MAPT: variants seen among roughly 807,000 people sequenced by gnomAD.
MAPT encodes microtubule associated protein tau.
In MAPT, 34 loss-of-function variants were observed where a neutral mutation model predicts 67.9. The observed-to-expected ratio is 0.50, with a 90% CI of 0.38 to 0.67. MAPT has a LOEUF of 0.67. MAPT is among the 30% of genes least tolerant of loss of function. The pLI, the probability that MAPT is intolerant of heterozygous loss-of-function variation, is 0.00. For missense variants in MAPT, 881 were observed against 1,115.2 expected, an observed-to-expected ratio of 0.79 and a Z score of 2.99; for synonymous variants, 456 against 464.5, an observed-to-expected ratio of 0.98 and a Z score of 0.23.
intron 2 of MAPT, among the ~76,000 whole-genome samples, chr17:45,966,736 T>A (rs2071124801): frequency 6.6e-6 from 1 of 152,228 alleles, no homozygotes; most frequent in African/African-American, 2.4e-5. Context: ...CTAAAACTAT[T>A]CAAAGCTTTC....
intron 1 of MAPT, among the ~76,000 whole-genome samples, chr17:45,919,239 T>G (rs192979447): frequency 2.1e-3 from 314 of 152,236 alleles, no homozygotes; most frequent in Non-Finnish European, 3.0e-3. Context: ...CCTCGGCCTC[T>G]CCTGCCTCCA....
chr17:45,908,410 G>C (rs1345928476), intron 1 of MAPT: 1 of 152,232 alleles, frequency 6.6e-6, no homozygotes, highest in Non-Finnish European at 1.5e-5. Flanking sequence ...AATTAAAAGT[G>C]GGGCGGTTTC....
chr17:46,007,928 C>T (rs2075560455), intron 9 of MAPT, among the ~76,000 whole-genome samples: 1 of 152,008 alleles, frequency 6.6e-6, no homozygotes, highest in African/African-American at 2.4e-5. Flanking sequence ...TGCATCAAAT[C>T]CAGCTCCTGC....
chr17:46,020,392 G>A (rs556489083), intron 12 of MAPT, among the ~76,000 whole-genome samples: 44 of 152,318 alleles, frequency 2.9e-4, no homozygotes, highest in Non-Finnish European at 4.7e-4. Flanking sequence ...CTGCAGAAGC[G>A]CAGCCAAGCA....
chr17:45,966,662 A>C (rs1322916737), intron 2 of MAPT, among the ~76,000 whole-genome samples: 15 of 152,240 alleles, frequency 9.9e-5, no homozygotes, highest in Non-Finnish European at 1.9e-4. Flanking sequence ...AGAAAACTAA[A>C]TTTAATGTGT....
intron 12 of MAPT, among the ~76,000 whole-genome samples, chr17:46,022,216 G>A (rs1226583980): frequency 6.6e-6 from 1 of 152,004 alleles, no homozygotes; most frequent in Non-Finnish European, 1.5e-5. Context: ...TTAGCTGGGT[G>A]TGGTGGCACA....
At chr17:45,923,548 T>C (rs17649866) in intron 1 of MAPT, among the ~76,000 whole-genome samples, 21,842 of 152,274 alleles carry the variant, frequency 0.14, 2,144 homozygotes, top group Middle Eastern at 0.22. Context: ...GATAATCAGA[T>C]TCTTTCACGT....
intron 1 of MAPT, among the ~76,000 whole-genome samples, chr17:45,934,430 G>A (rs141027617): frequency 6.6e-6 from 1 of 152,292 alleles, no homozygotes; most frequent in East Asian, 1.9e-4. Context: ...ACGCATGTGT[G>A]TATTTTTTTT....
At chr17:45,974,652 TC>T (rs898336377) in intron 3 of MAPT, 3 of 604,136 alleles carry the variant, frequency 5.0e-6, no homozygotes, top group Non-Finnish European at 8.8e-6. Context: ...CTCAGTTACC[TC>T]CCTGGCTGCC....
At chr17:45,901,260 G>A (rs901485378) in intron 1 of MAPT, among the ~76,000 whole-genome samples, 4 of 152,176 alleles carry the variant, frequency 2.6e-5, no homozygotes, top group South Asian at 2.1e-4. Context: ...AGCCCAAACT[G>A]ACCTGCCTTC....
In MAPT at chr17:45,904,336, TTATA is replaced by T. The variant is rs1423183040; in HGVS notation, c.-18+9658_-18+9661del. ...AAACATATATAATATATATTATATA[TTATA>T]TATATATTATATATATTATATATAT... On this transcript the variant is annotated intron_variant, in intron 1 of 12. Transcript: ENST00000262410. 3.6e-5 allele frequency among the ~76,000 whole-genome samples: 3 copies of T among 82,588 alleles called. 1 individual carries two copies. Among genetic ancestry groups the T allele is most frequent in the African/African-American group, 1.5e-4 (3 of 20,664 alleles). 54.2% of individuals were successfully genotyped at this position (82,588 alleles called of 152,430 possible).
intron 1 of MAPT, among the ~76,000 whole-genome samples, chr17:45,912,626 T>C (rs2064876934): frequency 6.6e-6 from 1 of 152,228 alleles, no homozygotes; most frequent in African/African-American, 2.4e-5. Flanking sequence ...GACTTTGGCC[T>C]TCAGAAGTGT....
At chr17:45,968,096 G>T (rs150100916) in intron 2 of MAPT, among the ~76,000 whole-genome samples, 1 of 151,942 alleles carries the variant, frequency 6.6e-6, no homozygotes, top group South Asian at 2.1e-4. Context: ...AAAGCAGCGC[G>T]CCACAAACTA....
At chr17:46,008,172 C>CT (rs1467561425) in intron 9 of MAPT, among the ~76,000 whole-genome samples, 14 of 152,254 alleles carry the variant, frequency 9.2e-5, no homozygotes, top group African/African-American at 3.4e-4. Context: ...TCTCAGCTCA[C>CT]TGCAACCTCC....
intron 1 of MAPT, among the ~76,000 whole-genome samples, chr17:45,904,376 TTATATATATTATA>T (rs939329927): frequency 8.5e-5 from 7 of 82,680 alleles, no homozygotes; most frequent in Non-Finnish European, 1.6e-4. Context: ...TAAATATATT[TTATATATATTATA>T]TATATATACA....
At chr17:46,014,391 G>A in intron 11 of MAPT, 67 bp downstream of exon 11, 1 of 1,097,192 alleles carries the variant, frequency 9.1e-7, no homozygotes, top group South Asian at 1.2e-5. Flanking sequence ...TGGTGAGGCT[G>A]GAACTGCTCC....
chr17:45,917,933 C>T (rs533352740), intron 1 of MAPT, among the ~76,000 whole-genome samples: 95 of 152,240 alleles, frequency 6.2e-4, no homozygotes, highest in Non-Finnish European at 1.3e-3. Flanking sequence ...CCACCATGCC[C>T]GACTAATTTT....
rs1315646474 is a variant in MAPT, at chr17:46,025,071, G to C, written c.*900G>C. ...GCAGGGTAGGGGGCCTGAGTTGAGG[G>C]GCTTCCCTCTGCTCCACAGAAACCC... On this transcript the variant is annotated 3_prime_UTR_variant, in exon 13 of 13. Coordinates refer to ENST00000262410, the MANE Select transcript of MAPT (RefSeq NM_001377265.1). 1 of 147,826 alleles carries C rather than the reference G, an allele frequency of 6.8e-6. No homozygotes were observed. Among genetic ancestry groups the C allele is most frequent in the Non-Finnish European group, 1.5e-5 (1 of 64,906 alleles). 9.2% of individuals were successfully genotyped at this position (147,826 alleles called of 1,614,324 possible).
chr17:45,909,822 A>G (rs538180815), intron 1 of MAPT, among the ~76,000 whole-genome samples: 4 of 140,038 alleles, frequency 2.9e-5, no homozygotes, highest in East Asian at 2.3e-4. Context: ...GTGAGCTGAG[A>G]TGGTGCCACT....
Sources: gnomAD v4.1 joint callset for allele counts (sites outside exome capture counted in the v4.1 genomes callset) on GRCh38, gnomAD v4.1.1 for gene constraint, MANE v1.5 for transcripts, NCBI Gene and HGNC (gene_info 2026-07-23, HGNC 2026-07-21) for gene names.